The following DDX1 variants were observed in gnomAD, a reference collection of about 807,000 sequenced individuals.
DDX1 encodes DEAD-box helicase 1.
DDX1 carries 28 observed loss-of-function variants against 108.7 expected under a neutral mutation model. The ratio of observed to expected loss-of-function variants is 0.26; its 90% CI spans 0.19 to 0.35. The LOEUF (loss-of-function observed/expected upper bound fraction) is 0.35. DDX1 is among the 10% of genes least tolerant of loss of function. DDX1 has a pLI of 1.00. For missense variants in DDX1, 710 were observed against 884.5 expected (o/e 0.80, Z 2.50); for synonymous variants, 295 against 288.9 (o/e 1.02, Z -0.21).
At chr2:15,627,218 T>C in intron 20 of DDX1, 73 bp downstream of exon 20, 1 of 807,188 alleles carries the variant, frequency 1.2e-6, no homozygotes, top group South Asian at 1.8e-5. Flanking sequence ...CAGTTTTAAT[T>C]AATATTATTA....
At chr2:15,593,369 C>T (rs1665449422) in intron 1 of DDX1, among the ~76,000 whole-genome samples, 1 of 152,088 alleles carries the variant, frequency 6.6e-6, no homozygotes. Context: ...GGGAGTCATA[C>T]ACAAATTTCA....
At chr2:15,615,030 C>A (rs1369330859) in intron 14 of DDX1, among the ~76,000 whole-genome samples, 1 of 152,194 alleles carries the variant, frequency 6.6e-6, no homozygotes, top group African/African-American at 2.4e-5. Context: ...GCATTCTTTG[C>A]AGAATTCAAT....
chr2:15,614,508 A>G (rs1457751786), intron 14 of DDX1, among the ~76,000 whole-genome samples: 1 of 152,238 alleles, frequency 6.6e-6, no homozygotes, highest in Non-Finnish European at 1.5e-5. Context: ...AATTGCCCAT[A>G]TAATGGTATT....
chr2:15,619,044 C>T (rs1028772489), intron 16 of DDX1, among the ~76,000 whole-genome samples: 2 of 152,306 alleles, frequency 1.3e-5, no homozygotes, highest in African/African-American at 4.8e-5. Context: ...TGTCTGGGTC[C>T]GCAGCCATAA....
At chr2:15,610,725 T>C (rs1665736634) in intron 13 of DDX1, among the ~76,000 whole-genome samples, 1 of 152,210 alleles carries the variant, frequency 6.6e-6, no homozygotes, top group Non-Finnish European at 1.5e-5. Flanking sequence ...ATTATCCTAA[T>C]GTAGAAGAAT....
chr2:15,623,577 G>T lies in DDX1; in HGVS notation c.1589G>T (p.Gly530Val). ...TTGGAGCAGTACTTTATACAACAAG[G>T]AGGAGGTAATTTTTTCTCACTTGAA... Reference protein sequence around the residue: ...DNLEQYFIQQGGGPDKKGHQF... With the variant: ...DNLEQYFIQQVGGPDKKGHQF... Residue 530 changes from glycine to valine, a missense_variant, in exon 19 of 26, where the codon GGA (glycine) becomes GTA (valine). Gly to Val is a moderately radical substitution (Grantham distance 109). This residue lies in a region of DDX1 where 661 missense variants were observed against 810.2 expected (regional missense o/e 0.82). Transcript: ENST00000233084. The T allele has an allele frequency of 6.2e-7, 1 of 1,612,642 alleles. No homozygotes were observed. Among genetic ancestry groups the T allele is most frequent in the Non-Finnish European group, 8.5e-7 (1 of 1,179,162 alleles).
At chr2:15,621,328 C>G in intron 18 of DDX1, 1 of 495,348 alleles carries the variant, frequency 2.0e-6, no homozygotes, top group Non-Finnish European at 3.5e-6. Context: ...TTTTTTGAGA[C>G]AGAGTCATGT....
chr2:15,604,450 A>C lies in DDX1; in HGVS notation c.566A>C (p.His189Pro). ...FDNYGEEFTM[H>P]DTIGCYLDID... ...CTGGTGTTCTAGGAATTCACTATGC[A>C]TGATACCATTGGATGTTACCTGGAT... The change falls in exon 10 of 26, where the codon CAT (histidine) becomes CCT (proline). Residue 189 changes from histidine (H) to proline (P), a missense_variant. Coordinates refer to ENST00000233084, the MANE Select transcript of DDX1 (RefSeq NM_004939.3). 6.2e-7 allele frequency: 1 copy of C among 1,610,084 alleles called. No individual in the cohort carries two copies. Among genetic ancestry groups the C allele is most frequent in the Non-Finnish European group, 8.5e-7 (1 of 1,176,586 alleles).
In DDX1 at chr2:15,621,096, G is replaced by C. The variant is rs1270073034; in HGVS notation, c.1427G>C (p.Arg476Thr). 1 of 1,610,406 alleles carries C rather than the reference G, an allele frequency of 6.2e-7. No individual in the cohort carries two copies. Among genetic ancestry groups the C allele is most frequent in the Non-Finnish European group, 8.5e-7 (1 of 1,177,706 alleles). Residue 476 changes from arginine to threonine, a missense_variant, in exon 18 of 26, where the codon AGA becomes ACA. This residue lies in a region of DDX1 where 661 missense variants were observed against 810.2 expected (regional missense o/e 0.82). Transcript: ENST00000233084. Reference sequence around the variant, plus strand: ...GATGTACATGCAAAAGATAACACAAGACCTGGTGCTAATAGTCCAGGTGAG... The same window carrying C: ...GATGTACATGCAAAAGATAACACAACACCTGGTGCTAATAGTCCAGGTGAG... The part of the protein sequence containing the change: ...TDDVHAKDNT[R>T]PGANSPEMWS...
intron 13 of DDX1, among the ~76,000 whole-genome samples, chr2:15,608,825 C>T (rs1665711699): frequency 1.3e-5 from 2 of 152,092 alleles, no homozygotes; most frequent in Non-Finnish European, 2.9e-5. Flanking sequence ...AATACAGGCA[C>T]ATGCCACTGT....
chr2:15,598,369 C>CTGT (rs1173948081), intron 5 of DDX1, among the ~76,000 whole-genome samples: 10 of 152,038 alleles, frequency 6.6e-5, no homozygotes, highest in African/African-American at 2.4e-4. Flanking sequence ...ACAACTGTGC[C>CTGT]GTCATTTATG....
In DDX1 at chr2:15,618,409, C is replaced by T. The variant is rs990313086; in HGVS notation, c.1206+139C>T. The T allele has an allele frequency of 1.8e-5, 10 of 569,200 alleles. No homozygotes were observed. The Admixed American group carries it at 2.6e-4, about 15-fold the overall frequency. 35.3% of individuals were successfully genotyped at this position (569,200 alleles called of 1,614,324 possible). A position where few individuals can be genotyped will look rare whatever the true frequency, so the allele number is the denominator to read the frequency against. Reference sequence around the variant, plus strand: ...CCCTTGCCCGGGTTTTGCTCAGTTCCACCCACTTGGCCTGGCAGGCTGTGC... The same window carrying T: ...CCCTTGCCCGGGTTTTGCTCAGTTCTACCCACTTGGCCTGGCAGGCTGTGC... On this transcript the variant is annotated intron_variant, in intron 16 of 25. Coordinates refer to ENST00000233084, the MANE Select transcript of DDX1 (RefSeq NM_004939.3).
intron 5 of DDX1, among the ~76,000 whole-genome samples, chr2:15,598,870 A>G (rs1225667089): frequency 5.3e-5 from 8 of 152,244 alleles, no homozygotes; most frequent in Non-Finnish European, 1.2e-4. Context: ...CCAATCTTAT[A>G]AAAAGGCGGA....
At chr2:15,618,794 G>A (rs60815260) in intron 16 of DDX1, among the ~76,000 whole-genome samples, 2 of 152,224 alleles carry the variant, frequency 1.3e-5, no homozygotes, top group Non-Finnish European at 2.9e-5. Context: ...CCCTCCTTCC[G>A]TGTTCGCTGG....
At chr2:15,611,930 T>C (rs576373755) in intron 13 of DDX1, among the ~76,000 whole-genome samples, 2,415 of 26,466 alleles carry the variant, frequency 0.091, no homozygotes, top group East Asian at 0.21. Context: ...CCCCCCACCT[T>C]CCTCCCGGAC....
chr2:15,612,740 TCC>T (rs1558455819), intron 13 of DDX1, among the ~76,000 whole-genome samples: 1 of 152,164 alleles, frequency 6.6e-6, no homozygotes, highest in Non-Finnish European at 1.5e-5. Flanking sequence ...TGAGGGAGAC[TCC>T]GTCTGCAATC....
chr2:15,607,540 AC>A (rs538129376), intron 13 of DDX1, among the ~76,000 whole-genome samples: 48 of 152,006 alleles, frequency 3.2e-4, no homozygotes, highest in Middle Eastern at 6.8e-3. Context: ...TGTGTCTCTT[AC>A]ATGAAAAGTC....
rs749333619 is a variant in DDX1 at position 15,617,251 on chromosome 2, T to C, written c.1025T>C (p.Ile342Thr). The C allele has an allele frequency of 6.4e-6, 10 of 1,565,068 alleles. No individual in the cohort carries two copies. Among genetic ancestry groups the C allele is most frequent in the Non-Finnish European group, 7.8e-6 (9 of 1,150,478 alleles). ...TGGTTTGCTTTTTTTCAGGTAGATA[T>C]AGTTGTAGGTACTCCGGGAAGACTA... ...QLSVLENGVD[I>T]VVGTPGRLDD... The change falls in exon 15 of 26, where the codon ATA (isoleucine) becomes ACA (threonine). Residue 342 changes from isoleucine to threonine, a missense_variant. This residue lies in a region of DDX1 where 661 missense variants were observed against 810.2 expected (regional missense o/e 0.82). Coordinates refer to ENST00000233084, the MANE Select transcript of DDX1 (RefSeq NM_004939.3).
intron 6 of DDX1, among the ~76,000 whole-genome samples, chr2:15,601,959 A>G (rs1256268562): frequency 6.6e-6 from 1 of 152,208 alleles, no homozygotes. Context: ...CATCTTTTAG[A>G]GCCCTTATAA....
Sources: allele counts gnomAD v4.1 joint callset (sites outside exome capture counted in the v4.1 genomes callset), GRCh38; gene constraint gnomAD v4.1.1; regional missense constraint gnomAD v4.1.1; transcripts MANE v1.5; gene names NCBI Gene and HGNC (gene_info 2026-07-23, HGNC 2026-07-21).